NSD2: variants seen among roughly 807,000 people sequenced by gnomAD.
The protein encoded by NSD2 is nuclear receptor binding SET domain protein 2, also known as histone-lysine N-methyltransferase NSD2.
NSD2 carries 12 observed loss-of-function variants against 139.0 expected under a neutral mutation model. The ratio of observed to expected loss-of-function variants is 0.09; its 90% CI spans 0.06 to 0.14. The LOEUF is 0.14. Ranked by LOEUF, NSD2 falls within the 10% of genes least tolerant of loss-of-function variation. NSD2 has a pLI of 1.00. For missense variants in NSD2, 1,155 were observed against 1,745.0 expected (o/e 0.66, Z 6.02); for synonymous variants, 669 against 648.7 (o/e 1.03, Z -0.48).
intron 6 of NSD2, 42 bp downstream of exon 6, chr4:1,930,812 G>C: frequency 6.3e-7 from 1 of 1,581,494 alleles, no homozygotes; most frequent in Admixed American, 1.8e-5. Flanking sequence ...TTGGGTTGAT[G>C]TGTGTAGTGT....
At chr4:1,967,861 G>A (rs1175025867) in intron 18 of NSD2, among the ~76,000 whole-genome samples, 1 of 152,168 alleles carries the variant, frequency 6.6e-6, no homozygotes, top group African/African-American at 2.4e-5. Context: ...GCATCTCATT[G>A]TAACCATGTG....
intron 1 of NSD2, among the ~76,000 whole-genome samples, chr4:1,895,402 T>C (rs1465778124): frequency 6.6e-6 from 1 of 152,208 alleles, no homozygotes; most frequent in Non-Finnish European, 1.5e-5. Flanking sequence ...TGTTATGTCT[T>C]AATTTATCTT....
At chr4:1,949,620 G>A (rs188395121) in intron 9 of NSD2, among the ~76,000 whole-genome samples, 2 of 152,114 alleles carry the variant, frequency 1.3e-5, no homozygotes, top group Admixed American at 6.5e-5. Context: ...AAATTTAGCC[G>A]GACTTGTTGG....
chr4:1,901,285 A>G lies in NSD2; in HGVS notation c.597+34A>G, dbSNP rs77280245. The stretch of plus-strand genomic sequence containing the variant: ...GAGACGTTGTGTAAGGGGTCATGTG[A>G]CCTTGAGCAGTGAGCATGGCCACCC... On this transcript the variant is annotated intron_variant, in intron 2 of 21. Coordinates refer to ENST00000508803, the MANE Select transcript of NSD2 (RefSeq NM_001042424.3). 2.1e-3 allele frequency: 3,181 copies of G among 1,524,992 alleles called. 43 individuals are homozygous for G. The African/African-American group carries it at 0.038, about 18-fold the overall frequency. The allele number at this position is 1,524,992 out of a possible 1,614,324, so 94.5% of individuals were successfully genotyped here. A position where few individuals can be genotyped will look rare whatever the true frequency, so the allele number is the denominator to read the frequency against.
At position 1,896,361 on chromosome 4, in the gene NSD2, A is replaced by T. The variant is rs118030317; in HGVS notation, c.-29-4265A>T. 2.6e-5 allele frequency among the ~76,000 whole-genome samples: 4 copies of T among 152,200 alleles called. No homozygotes were observed. In the East Asian group the frequency reaches 7.7e-4, roughly 29 times the overall value. On this transcript the variant is annotated intron_variant, in intron 1 of 21. Coordinates refer to ENST00000508803, the MANE Select transcript of NSD2 (RefSeq NM_001042424.3). Reference sequence around the variant, plus strand: ...TCCCTTTTCATTTCTAGACCTGGAGATTCTCTCTATTGCTTTGCATTAGGC... The same window carrying T: ...TCCCTTTTCATTTCTAGACCTGGAGTTTCTCTCTATTGCTTTGCATTAGGC...
intron 3 of NSD2, among the ~76,000 whole-genome samples, chr4:1,911,591 AAAAAAAAAAAAAAAAAG>A (rs920103622): frequency 9.2e-5 from 13 of 141,778 alleles, no homozygotes; most frequent in African/African-American, 2.8e-4. Flanking sequence ...CCATCTCAAA[AAAAAAAAAAAAAAAAAG>A]AAAAAAAAAA....
At chr4:1,906,898 T>C (rs1717992188) in intron 3 of NSD2, among the ~76,000 whole-genome samples, 1 of 151,904 alleles carries the variant, frequency 6.6e-6, no homozygotes, top group Admixed American at 6.6e-5. Context: ...TGACCTCAAG[T>C]GATCTGCCCA....
intron 5 of NSD2, among the ~76,000 whole-genome samples, chr4:1,930,081 A>AG (rs1353227475): frequency 6.6e-6 from 1 of 152,110 alleles, no homozygotes; most frequent in Non-Finnish European, 1.5e-5. Flanking sequence ...GCTGGAGGGT[A>AG]GGGAAGCCTC....
At position 1,900,933 on chromosome 4, in the gene NSD2, A is replaced by G; in HGVS notation, c.279A>G (p.Ala93=). 1 of 1,614,202 alleles carries G rather than the reference A, an allele frequency of 6.2e-7. No individual in the cohort carries two copies. Among genetic ancestry groups the G allele is most frequent in the Non-Finnish European group, 8.5e-7 (1 of 1,180,036 alleles). Residue 93 remains alanine (A), a synonymous_variant, in exon 2 of 22, where the codon GCA becomes GCG. Coordinates refer to ENST00000508803, the MANE Select transcript of NSD2 (RefSeq NM_001042424.3). ...GGGTGTTTAATGGAGAACCCGGCGC[A>G]CACGATGCCAAACTGCGTTTTGAGT... ...TSRVFNGEPG[A]HDAKLRFESQ... is the part of the protein sequence containing the mutation.
At position 1,981,846 on chromosome 4, in the gene NSD2, C is replaced by CTGTT. The variant is rs147409255; in HGVS notation, c.*2942_*2945dup. ...TTGATCCTATGAGTGTAGTTGATGACTGTTTGTTAGTCAGTAGAGTAAAAT... is the reference window on the plus strand; with the variant it reads ...TTGATCCTATGAGTGTAGTTGATGACTGTTTGTTTGTTAGTCAGTAGAGTAAAAT... On this transcript the variant is annotated 3_prime_UTR_variant, in exon 22 of 22. Transcript: ENST00000508803. 36 of 398,624 alleles carry CTGTT rather than the reference C, an allele frequency of 9.0e-5. No homozygotes were observed. Among genetic ancestry groups the CTGTT allele is most frequent in the East Asian group, 5.0e-4 (14 of 28,088 alleles). 24.7% of individuals were successfully genotyped at this position (398,624 alleles called of 1,614,324 possible). A position where few individuals can be genotyped will look rare whatever the true frequency, so the allele number is the denominator to read the frequency against.
chr4:1,887,918 T>C (rs1715236671), intron 1 of NSD2, among the ~76,000 whole-genome samples: 1 of 152,132 alleles, frequency 6.6e-6, no homozygotes, highest in East Asian at 1.9e-4. Flanking sequence ...TTTCTTTTTT[T>C]TTTCTTCTGT....
chr4:1,949,340 C>G (rs1460176556), intron 9 of NSD2, among the ~76,000 whole-genome samples: 1 of 152,146 alleles, frequency 6.6e-6, no homozygotes, highest in Admixed American at 6.5e-5. Flanking sequence ...GGTGAGGAAA[C>G]CAAGATTAAG....
At position 1,943,574 on chromosome 4, in the gene NSD2, G is replaced by T. The variant is rs889942112; in HGVS notation, c.1881+3796G>T. 3 of 1,050,516 alleles carry T rather than the reference G, an allele frequency of 2.9e-6. No homozygotes were observed. In the Admixed American group the frequency reaches 1.6e-4, roughly 58 times the overall value. The allele number at this position is 1,050,516 out of a possible 1,614,324, so 65.1% of individuals were successfully genotyped here. A position where few individuals can be genotyped will look rare whatever the true frequency, so the allele number is the denominator to read the frequency against. Reference sequence around the variant, plus strand: ...GGATTTGTGTGTGTGGCGCTTTAGGGTGCTGGACTGTATGGCTGAGGGCTG... The same window carrying T: ...GGATTTGTGTGTGTGGCGCTTTAGGTTGCTGGACTGTATGGCTGAGGGCTG... On this transcript the variant is annotated intron_variant, in intron 9 of 21. Transcript: ENST00000508803.
intron 1 of NSD2, among the ~76,000 whole-genome samples, chr4:1,896,694 A>C (rs1403108500): frequency 1.0e-4 from 13 of 125,748 alleles, no homozygotes; most frequent in Admixed American, 6.6e-4. Flanking sequence ...TCCTTCCCGA[A>C]CTCTTCCATT....
chr4:1,922,877 G>A (rs1432876006), intron 5 of NSD2, among the ~76,000 whole-genome samples: 1 of 152,200 alleles, frequency 6.6e-6, no homozygotes, highest in Non-Finnish European at 1.5e-5. Flanking sequence ...AGTGAGCTGG[G>A]ATTGTGCCAT....
intron 5 of NSD2, among the ~76,000 whole-genome samples, chr4:1,928,880 G>C (rs1177043710): frequency 2.0e-5 from 3 of 152,148 alleles, no homozygotes; most frequent in African/African-American, 4.8e-5. Context: ...GGAGCTTGAA[G>C]AGTTGGGAGT....
rs1259945351 is a variant in NSD2, at chr4:1,974,844, A to G, written c.3373-19A>G. ...TGCGATTGCTAACACTTGACCGAATATATCACTTGACCTTACAGGACCGTA... is the reference window on the plus strand; with the variant it reads ...TGCGATTGCTAACACTTGACCGAATGTATCACTTGACCTTACAGGACCGTA... On this transcript the variant is annotated intron_variant, in intron 18 of 21. Transcript: ENST00000508803. This position sits in a 1 kb window ranked among gnomAD's most constrained non-coding sequence, Gnocchi z 4.0. The G allele has an allele frequency of 1.2e-6, 2 of 1,613,724 alleles. No individual in the cohort carries two copies. The highest frequency in any genetic ancestry group is 1.7e-6 in the Non-Finnish European group (2 of 1,179,716).
rs1420840205 is a variant in NSD2 at position 1,935,277 on chromosome 4, G to T, written c.1674+15G>T. The T allele has an allele frequency of 6.2e-7, 1 of 1,604,230 alleles. No individual in the cohort carries two copies. The highest frequency in any genetic ancestry group is 8.5e-7 in the Non-Finnish European group (1 of 1,172,454). On this transcript the variant is annotated intron_variant, in intron 7 of 21. Transcript: ENST00000508803. ...GTCTTCGGAAGGTAATTGTGTTCCA[G>T]GTTTGCTTGACCTGTCAGAGTGTAT...
In NSD2 at chr4:1,976,211, C is replaced by G; in HGVS notation, c.3622-264C>G. On this transcript the variant is annotated intron_variant, in intron 20 of 21. Transcript: ENST00000508803. The surrounding 1 kb of genome is among the most constrained non-coding windows in gnomAD (Gnocchi z 5.3). ...ATCAGCAGATCCTGGAGCTGTGTGT[C>G]TGCTGAGATGCTGCTGAGATGCGTC... is the stretch of plus-strand genomic sequence containing the variant. The G allele has an allele frequency of 2.1e-6, 1 of 476,534 alleles. No individual in the cohort carries two copies. The highest frequency in any genetic ancestry group is 3.8e-6 in the Non-Finnish European group (1 of 262,380). 29.5% of individuals were successfully genotyped at this position (476,534 alleles called of 1,614,324 possible).
Sources: gnomAD v4.1 joint callset for allele counts (sites outside exome capture counted in the v4.1 genomes callset) on GRCh38, gnomAD v4.1.1 for gene constraint, Gnocchi (gnomAD v3.1) non-coding constraint, MANE v1.5 for transcripts, NCBI Gene and HGNC (gene_info 2026-07-23, HGNC 2026-07-21) for gene names.